Variants in UQCC6 observed in about 807,000 individuals in gnomAD.
UQCC6 encodes the protein protein BRAWNIN.
chr12:103,959,055 C>T, the UQCC6 span, among the ~76,000 whole-genome samples: 1 of 152,210 alleles, frequency 6.6e-6, no homozygotes, highest in South Asian at 2.1e-4. Context: ...AACCAAATTG[C>T]TGTAACTTTG....
chr12:103,962,002 A>G, the UQCC6 span, among the ~76,000 whole-genome samples: 2 of 152,218 alleles, frequency 1.3e-5, no homozygotes, highest in Non-Finnish European at 2.9e-5. Flanking sequence ...TAGCCTAGGT[A>G]TACAGTAGGC....
the UQCC6 span, chr12:103,951,261 C>A: frequency 1.6e-5 from 5 of 304,000 alleles, no homozygotes; most frequent in Non-Finnish European, 2.4e-5. Context: ...AGTAGACTTA[C>A]AAATATTCTA....
chr12:103,956,859 G>C, the UQCC6 span: 1 of 670,662 alleles, frequency 1.5e-6, no homozygotes, highest in East Asian at 2.8e-5. Context: ...CGGCGGGGGT[G>C]CAGGAGGACC....
At chr12:103,963,161 C>T in the UQCC6 span, among the ~76,000 whole-genome samples, 1 of 151,744 alleles carries the variant, frequency 6.6e-6, no homozygotes, top group Non-Finnish European at 1.5e-5. Context: ...GCAACCTCCA[C>T]CTCCTGGGTT....
chr12:103,954,859 CA>C, the UQCC6 span: 4 of 679,898 alleles, frequency 5.9e-6, no homozygotes, highest in Non-Finnish European at 2.7e-6. Flanking sequence ...TGAACAGGAG[CA>C]AAAAAGAGAC....
At chr12:103,956,142 A>C in the UQCC6 span, among the ~76,000 whole-genome samples, 2 of 151,884 alleles carry the variant, frequency 1.3e-5, no homozygotes, top group African/African-American at 4.8e-5. Context: ...TTTGGGAGCT[A>C]ACCCAAGGAC....
chr12:103,959,004 T>C, the UQCC6 span, among the ~76,000 whole-genome samples: 2 of 152,196 alleles, frequency 1.3e-5, no homozygotes, highest in Non-Finnish European at 2.9e-5. Flanking sequence ...CTGTAAAAAG[T>C]GTTAAATGCA....
At chr12:103,965,338 T>C in the UQCC6 span, among the ~76,000 whole-genome samples, 2 of 152,222 alleles carry the variant, frequency 1.3e-5, no homozygotes, top group Admixed American at 6.5e-5. Context: ...CGTCAAACGT[T>C]AATATTCTCA....
At chr12:103,963,368 G>A in the UQCC6 span, among the ~76,000 whole-genome samples, 470 of 152,240 alleles carry the variant, frequency 3.1e-3, 1 homozygote, top group African/African-American at 0.01. Flanking sequence ...GAGCCACTGC[G>A]CCCGGCTAAC....
At chr12:103,962,641 C>A in the UQCC6 span, among the ~76,000 whole-genome samples, 193 of 152,332 alleles carry the variant, frequency 1.3e-3, no homozygotes, top group African/African-American at 4.3e-3. Flanking sequence ...ATGGTAATGA[C>A]CCACTGACCC....
chr12:103,961,705 C>T, the UQCC6 span, among the ~76,000 whole-genome samples: 37 of 152,012 alleles, frequency 2.4e-4, no homozygotes, highest in African/African-American at 8.0e-4. Context: ...TACAGGTGCC[C>T]GCCACTACGC....
chr12:103,957,722 T>C, the UQCC6 span, among the ~76,000 whole-genome samples: 13 of 151,812 alleles, frequency 8.6e-5, no homozygotes, highest in Non-Finnish European at 1.8e-4. Context: ...TTGTTTTGAT[T>C]ATTGGTTGTT....
the UQCC6 span, chr12:103,956,629 A>T: frequency 6.5e-7 from 1 of 1,542,782 alleles, no homozygotes; most frequent in South Asian, 1.2e-5. Context: ...TCCCGCACTC[A>T]CCAGGTCCGG....
chr12:103,964,459 G>C, the UQCC6 span, among the ~76,000 whole-genome samples: 1 of 152,130 alleles, frequency 6.6e-6, no homozygotes, highest in Non-Finnish European at 1.5e-5. Context: ...ATTGGGCAGA[G>C]GACCCTGGTC....
chr12:103,960,439 C>T, the UQCC6 span, among the ~76,000 whole-genome samples: 1 of 152,170 alleles, frequency 6.6e-6, no homozygotes, highest in Non-Finnish European at 1.5e-5. Flanking sequence ...CAACCAGTTC[C>T]TTCAAATCCT....
chr12:103,960,951 T>TAA, the UQCC6 span, among the ~76,000 whole-genome samples: 3 of 151,444 alleles, frequency 2.0e-5, no homozygotes, highest in African/African-American at 7.3e-5. Flanking sequence ...TTATTCTTTT[T>TAA]TAAAAAAAAA....
the UQCC6 span, chr12:103,954,923 T>A: frequency 1.4e-6 from 1 of 701,684 alleles, no homozygotes; most frequent in African/African-American, 1.7e-5. Context: ...CACTAAGCTA[T>A]GTGACTTTGA....
chr12:103,951,204 A>G, the UQCC6 span: 1 of 189,460 alleles, frequency 5.3e-6, no homozygotes, highest in African/African-American at 2.3e-5. Context: ...ACTAGTTCAT[A>G]GTTTTAAATA....
At chr12:103,963,390 T>A in the UQCC6 span, among the ~76,000 whole-genome samples, 20,986 of 152,256 alleles carry the variant, frequency 0.14, 1,599 homozygotes, top group Admixed American at 0.2. Context: ...CTGTCTTGAT[T>A]ACTGTAGCCT....
Sources: allele counts gnomAD v4.1 joint callset (sites outside exome capture counted in the v4.1 genomes callset), GRCh38; gene constraint gnomAD v4.1.1; transcripts MANE v1.5; gene names NCBI Gene and HGNC (gene_info 2026-07-23, HGNC 2026-07-21).